The following PCDH15 variants were observed in gnomAD, a reference collection of about 807,000 sequenced individuals.
The protein encoded by PCDH15 is protocadherin-15.
In PCDH15, 129 loss-of-function variants were observed where a neutral mutation model predicts 178.5. The observed-to-expected ratio is 0.72, with a 90% CI of 0.63 to 0.84. The LOEUF is 0.84. Among genes scored for constraint, PCDH15 ranks in the 40% least tolerant of loss-of-function variants. PCDH15 has a pLI of 0.00. For missense variants in PCDH15, 2,230 were observed against 2,099.9 expected, an observed-to-expected ratio of 1.06 and a Z score of -1.21; for synonymous variants, 800 against 732.0, an observed-to-expected ratio of 1.09 and a Z score of -1.50.
At chr10:53,864,236 G>A (rs1448531163) in intron 27 of PCDH15, among the ~76,000 whole-genome samples, 3 of 152,090 alleles carry the variant, frequency 2.0e-5, no homozygotes, top group African/African-American at 7.2e-5. Context: ...GGGAATCTAA[G>A]GCCAATTCAT....
intron 2 of PCDH15, among the ~76,000 whole-genome samples, chr10:54,940,279 C>T (rs1022749349): frequency 6.6e-6 from 1 of 151,978 alleles, no homozygotes; most frequent in Non-Finnish European, 1.5e-5. Flanking sequence ...CTTGTAAATT[C>T]TCTTTGGTCC....
chr10:54,711,501 G>A (rs746054744), intron 1 of PCDH15, among the ~76,000 whole-genome samples: 2 of 151,828 alleles, frequency 1.3e-5, no homozygotes, highest in South Asian at 2.1e-4. Flanking sequence ...TAAGGACAAC[G>A]TACAAAATCA....
At chr10:55,580,291 A>G (rs1842583810) in intron 2 of PCDH15, among the ~76,000 whole-genome samples, 1 of 151,902 alleles carries the variant, frequency 6.6e-6, no homozygotes. Flanking sequence ...CATTATTCAT[A>G]TAACTCACCC....
chr10:54,436,196 A>G (rs2136086410), intron 3 of PCDH15, among the ~76,000 whole-genome samples: 1 of 152,194 alleles, frequency 6.6e-6, no homozygotes, highest in East Asian at 1.9e-4. Flanking sequence ...TCAGCAATGG[A>G]AAAGAAAGTA....
At chr10:54,003,836 C>A (rs1177953319) in intron 20 of PCDH15, among the ~76,000 whole-genome samples, 1 of 148,298 alleles carries the variant, frequency 6.7e-6, no homozygotes, top group African/African-American at 2.5e-5. Context: ...AAAGAGACAT[C>A]CAAAAAAGAA....
chr10:55,338,720 A>G (rs1195111107), intron 2 of PCDH15, among the ~76,000 whole-genome samples: 1 of 152,160 alleles, frequency 6.6e-6, no homozygotes, highest in Non-Finnish European at 1.5e-5. Flanking sequence ...TGTTGCAGTG[A>G]GCCGAGACCA....
At chr10:54,963,208 C>A (rs1296032645) in intron 2 of PCDH15, among the ~76,000 whole-genome samples, 2 of 152,156 alleles carry the variant, frequency 1.3e-5, no homozygotes, top group African/African-American at 2.4e-5. Flanking sequence ...CTCATCCTTT[C>A]TTTCCTTAGC....
intron 1 of PCDH15, among the ~76,000 whole-genome samples, chr10:55,225,314 T>C (rs1196665972): frequency 6.6e-6 from 1 of 152,146 alleles, no homozygotes; most frequent in African/African-American, 2.4e-5. Context: ...TCAGAGATTG[T>C]TTCTGTAACC....
At chr10:54,512,025 T>C (rs113533796) in intron 3 of PCDH15, among the ~76,000 whole-genome samples, 13 of 152,240 alleles carry the variant, frequency 8.5e-5, no homozygotes, top group African/African-American at 1.9e-4. Context: ...AGAGATTTCA[T>C]CTTTCAAATT....
intron 2 of PCDH15, among the ~76,000 whole-genome samples, chr10:54,908,992 C>T (rs997459118): frequency 6.6e-6 from 1 of 152,068 alleles, no homozygotes; most frequent in East Asian, 1.9e-4. Context: ...TAACTTCTCT[C>T]TGCTAGGCAG....
chr10:53,918,041 G>A (rs527405924), intron 25 of PCDH15, among the ~76,000 whole-genome samples: 41 of 152,202 alleles, frequency 2.7e-4, no homozygotes, highest in African/African-American at 9.9e-4. Context: ...ACAGCCTGTA[G>A]AACCATGAAC....
intron 2 of PCDH15, among the ~76,000 whole-genome samples, chr10:55,395,992 AATGCT>A (rs1837919261): frequency 6.6e-6 from 1 of 152,162 alleles, no homozygotes; most frequent in African/African-American, 2.4e-5. Flanking sequence ...TAATCACACA[AATGCT>A]ATATAAGCTA....
intron 2 of PCDH15, among the ~76,000 whole-genome samples, chr10:54,932,097 A>G (rs779962170): frequency 6.6e-6 from 1 of 152,224 alleles, no homozygotes; most frequent in Non-Finnish European, 1.5e-5. Flanking sequence ...TTACTACAGC[A>G]TACTTTTAAT....
chr10:55,548,633 T>G (rs1841940845), intron 2 of PCDH15, among the ~76,000 whole-genome samples: 1 of 152,066 alleles, frequency 6.6e-6, no homozygotes, highest in African/African-American at 2.4e-5. Context: ...AAAACAGAAA[T>G]CAAGTTTAAA....
At chr10:54,903,140 A>G (rs1954664826) in intron 2 of PCDH15, among the ~76,000 whole-genome samples, 1 of 152,012 alleles carries the variant, frequency 6.6e-6, no homozygotes, top group African/African-American at 2.4e-5. Context: ...TGACGGTTGG[A>G]GGTATGAAGG....
intron 26 of PCDH15, among the ~76,000 whole-genome samples, chr10:53,895,946 A>ACTT (rs1440687068): frequency 6.6e-6 from 1 of 152,190 alleles, no homozygotes; most frequent in African/African-American, 2.4e-5. Flanking sequence ...GGTAGACCTA[A>ACTT]CTTTAAATTC....
chr10:54,322,814 G>A (rs7350458), intron 7 of PCDH15, among the ~76,000 whole-genome samples: 6 of 151,766 alleles, frequency 4.0e-5, no homozygotes, highest in Non-Finnish European at 5.9e-5. Flanking sequence ...CAAGGATTTC[G>A]TAATGATGAT....
chr10:54,095,457 A>G (rs2094684571), intron 15 of PCDH15, among the ~76,000 whole-genome samples: 1 of 151,948 alleles, frequency 6.6e-6, no homozygotes, highest in Non-Finnish European at 1.5e-5. Context: ...ATATACATAT[A>G]ACATATATGA....
intron 2 of PCDH15, among the ~76,000 whole-genome samples, chr10:54,996,906 C>T (rs557277239): frequency 4.2e-3 from 632 of 152,014 alleles, no homozygotes; most frequent in Admixed American, 6.6e-3. Context: ...GTCAGGAGTT[C>T]GAGACCAGCC....
Sources: gnomAD v4.1 joint callset for allele counts (sites outside exome capture counted in the v4.1 genomes callset) on GRCh38, gnomAD v4.1.1 for gene constraint, MANE v1.5 for transcripts, NCBI Gene and HGNC (gene_info 2026-07-23, HGNC 2026-07-21) for gene names.